MAPRE2: variants seen among roughly 807,000 people sequenced by gnomAD.
MAPRE2 encodes microtubule associated protein RP/EB family member 2, also known as microtubule-associated protein RP/EB family member 2.
MAPRE2 carries 13 observed loss-of-function variants against 43.2 expected under a neutral mutation model. That is an observed-to-expected ratio of 0.30 (90% CI 0.20 to 0.48). The LOEUF is 0.48. Ranked by LOEUF, MAPRE2 falls within the 20% of genes least tolerant of loss-of-function variation. The probability of loss-of-function intolerance (pLI) is 0.99; values close to 1 mark genes in which losing one functional copy is unlikely to be tolerated. For missense variants in MAPRE2, 161 were observed against 400.2 expected (o/e 0.40, Z 5.10); for synonymous variants, 135 against 148.8 (o/e 0.91, Z 0.68).
At chr18:35,086,150 A>G (rs888492396) in intron 2 of MAPRE2, among the ~76,000 whole-genome samples, 2 of 152,076 alleles carry the variant, frequency 1.3e-5, no homozygotes, top group African/African-American at 4.8e-5. Context: ...CAGATGGGCA[A>G]TTTGAGTAGC....
At chr18:35,124,604 C>T (rs1477408147) in intron 4 of MAPRE2, among the ~76,000 whole-genome samples, 1 of 152,158 alleles carries the variant, frequency 6.6e-6, no homozygotes, top group East Asian at 1.9e-4. Context: ...GTGCATGGCC[C>T]ATGGCAGGCA....
At chr18:35,010,137 A>G (rs2097033754) in intron 2 of MAPRE2, among the ~76,000 whole-genome samples, 1 of 152,212 alleles carries the variant, frequency 6.6e-6, no homozygotes. Flanking sequence ...CTGTAATCCC[A>G]ACACTTTTGG....
chr18:35,081,795 G>A (rs996085508), intron 2 of MAPRE2, among the ~76,000 whole-genome samples: 3 of 151,954 alleles, frequency 2.0e-5, no homozygotes, highest in African/African-American at 7.3e-5. Flanking sequence ...GTGGGTTTGC[G>A]CTGGTCCACT....
intron 4 of MAPRE2, among the ~76,000 whole-genome samples, chr18:35,115,122 T>A (rs999561674): frequency 6.6e-6 from 1 of 152,194 alleles, no homozygotes; most frequent in Non-Finnish European, 1.5e-5. Flanking sequence ...ATAACTCAAC[T>A]TTGTCTTGCT....
At chr18:35,112,382 G>T (rs147607050) in intron 4 of MAPRE2, among the ~76,000 whole-genome samples, 316 of 152,086 alleles carry the variant, frequency 2.1e-3, no homozygotes, top group African/African-American at 7.3e-3. Flanking sequence ...TGTTGGTCAG[G>T]CTGGTTTTGA....
intron 5 of MAPRE2, among the ~76,000 whole-genome samples, chr18:35,129,532 A>G (rs185012820): frequency 2.0e-5 from 3 of 152,354 alleles, no homozygotes; most frequent in Admixed American, 2.0e-4. Context: ...CATGATAGAA[A>G]TGAATCAAAA....
chr18:35,115,053 GA>G (rs1909350785), intron 4 of MAPRE2, among the ~76,000 whole-genome samples: 1 of 152,094 alleles, frequency 6.6e-6, no homozygotes, highest in Non-Finnish European at 1.5e-5. Context: ...GGCAGGAATC[GA>G]AAACAGCTTT....
At chr18:35,030,200 G>T (rs1423790111) in intron 2 of MAPRE2, among the ~76,000 whole-genome samples, 1 of 151,818 alleles carries the variant, frequency 6.6e-6, no homozygotes, top group Admixed American at 6.6e-5. Context: ...CACCCTCATG[G>T]ATACTGCTAT....
chr18:34,987,312 A>T (rs2097021512), intron 1 of MAPRE2, among the ~76,000 whole-genome samples: 1 of 152,194 alleles, frequency 6.6e-6, no homozygotes, highest in Non-Finnish European at 1.5e-5. Context: ...TGCTACCTAG[A>T]TGAGGCATCA....
chr18:35,080,980 T>G (rs28472741), intron 2 of MAPRE2, among the ~76,000 whole-genome samples: 4,371 of 152,306 alleles, frequency 0.029, 201 homozygotes, highest in African/African-American at 0.1. Flanking sequence ...GTGAAACTAA[T>G]GCGAGTCCTG....
upstream of MAPRE2, among the ~76,000 whole-genome samples, chr18:35,036,962 T>C (rs898169925): frequency 2.0e-5 from 3 of 152,186 alleles, no homozygotes; most frequent in Admixed American, 6.5e-5. Flanking sequence ...GTTACTATTA[T>C]TATTACTCAT....
intron 1 of MAPRE2, among the ~76,000 whole-genome samples, chr18:35,052,615 C>T (rs1214595656): frequency 6.6e-6 from 1 of 152,102 alleles, no homozygotes; most frequent in Non-Finnish European, 1.5e-5. Context: ...TGGTGTTTAA[C>T]TTTTTGAGAA....
intron 2 of MAPRE2, among the ~76,000 whole-genome samples, chr18:35,012,550 G>A (rs1250616293): frequency 2.6e-5 from 4 of 152,194 alleles, no homozygotes; most frequent in Admixed American, 6.5e-5. Context: ...TACATACAAT[G>A]GAATATTGTT....
intron 1 of MAPRE2, among the ~76,000 whole-genome samples, chr18:35,056,881 C>A (rs903638578): frequency 1.4e-4 from 22 of 152,176 alleles, no homozygotes; most frequent in Non-Finnish European, 2.9e-5. Flanking sequence ...AAATTTTGTC[C>A]TTTGCTCCTG....
chr18:35,016,635 A>G (rs1342813186), intron 2 of MAPRE2, among the ~76,000 whole-genome samples: 1 of 151,790 alleles, frequency 6.6e-6, no homozygotes, highest in Admixed American at 6.6e-5. Flanking sequence ...GTTTTTGCCT[A>G]TTTTTTGATG....
intron 2 of MAPRE2, among the ~76,000 whole-genome samples, chr18:35,091,625 G>T (rs560258425): frequency 1.3e-5 from 2 of 152,142 alleles, no homozygotes; most frequent in South Asian, 2.1e-4. Flanking sequence ...TGAACAAAAA[G>T]AACAATGCTG....
At chr18:35,054,653 C>G (rs1226612660) in intron 1 of MAPRE2, among the ~76,000 whole-genome samples, 1 of 152,102 alleles carries the variant, frequency 6.6e-6, no homozygotes, top group East Asian at 1.9e-4. Flanking sequence ...CTGTGATTCC[C>G]TTAGTTTACG....
At chr18:35,103,242 C>T in intron 4 of MAPRE2, among the ~76,000 whole-genome samples, 1 of 152,006 alleles carries the variant, frequency 6.6e-6, no homozygotes, top group East Asian at 1.9e-4. Context: ...TCTTCATCTG[C>T]CTTAAAATAG....
At chr18:35,119,444 T>C (rs1366091977) in intron 4 of MAPRE2, among the ~76,000 whole-genome samples, 1 of 152,244 alleles carries the variant, frequency 6.6e-6, no homozygotes, top group Non-Finnish European at 1.5e-5. Context: ...TATTATTTAT[T>C]GTCTAGTTCC....
Sources: allele counts gnomAD v4.1 joint callset (sites outside exome capture counted in the v4.1 genomes callset), GRCh38; gene constraint gnomAD v4.1.1; transcripts MANE v1.5; gene names NCBI Gene and HGNC (gene_info 2026-07-23, HGNC 2026-07-21).